Variants in DBT observed in about 807,000 individuals in gnomAD.
The protein encoded by DBT is lipoamide acyltransferase component of branched-chain alpha-keto acid dehydrogenase complex, mitochondrial.
In DBT, 40 loss-of-function variants were observed where a neutral mutation model predicts 51.3. The observed-to-expected ratio is 0.78, with a 90% CI of 0.61 to 1.02. DBT has a LOEUF of 1.02. DBT is among the 50% of genes least tolerant of loss of function. DBT has a pLI of 0.00. For synonymous variants in DBT, 181 were observed against 190.4 expected (o/e 0.95, Z 0.41); for missense variants, 510 against 580.2 (o/e 0.88, Z 1.24).
At chr1:100,217,165 C>T (rs1662544049) in intron 5 of DBT, among the ~76,000 whole-genome samples, 2 of 152,164 alleles carry the variant, frequency 1.3e-5, no homozygotes, top group Admixed American at 6.5e-5. Flanking sequence ...TTTTAGTAAT[C>T]ATACAAGCAC....
intron 10 of DBT, among the ~76,000 whole-genome samples, chr1:100,197,718 A>G (rs2100764082): frequency 6.6e-6 from 1 of 152,352 alleles, no homozygotes; most frequent in Admixed American, 6.5e-5. Flanking sequence ...CTGCAAGTCA[A>G]TATTAAGAAA....
chr1:100,239,865 AAAAAAAAAAAAAAAAAAAAAG>A (rs1664108723), intron 2 of DBT, among the ~76,000 whole-genome samples: 1 of 12,026 alleles, frequency 8.3e-5, no homozygotes, highest in Non-Finnish European at 3.4e-4. Context: ...AAAAAAAAAA[AAAAAAAAAAAAAAAAAAAAAG>A]AGCATGGAAA....
Position 100,240,851 on chromosome 1 carries a change from C to CATT in DBT, c.82_84dup (p.Asn28dup), listed in dbSNP as rs746916491. On this transcript the variant is annotated inframe_insertion, in exon 2 of 11. Coordinates refer to ENST00000370132, the MANE Select transcript of DBT (RefSeq NM_001918.5). ...ACATAATTTGGCTTCAAAACATGAA[C>CATT]ATTACCACATGTTTGAAAATAGCGA... 5.6e-6 allele frequency: 9 copies of CATT among 1,612,746 alleles called. No individual in the cohort carries two copies. Among genetic ancestry groups the CATT allele is most frequent in the Non-Finnish European group, 5.1e-6 (6 of 1,178,930 alleles).
At chr1:100,213,091 G>C (rs1201085651) in intron 7 of DBT, among the ~76,000 whole-genome samples, 1 of 152,228 alleles carries the variant, frequency 6.6e-6, no homozygotes, top group Non-Finnish European at 1.5e-5. Flanking sequence ...CCTGTTAGCT[G>C]TAAGTCCTTA....
intron 3 of DBT, 128 bp downstream of exon 3, chr1:100,235,308 G>T: frequency 1.7e-6 from 1 of 588,646 alleles, no homozygotes; most frequent in Non-Finnish European, 3.1e-6. Context: ...AATGCATTAT[G>T]TGTTTATAAA....
In DBT at chr1:100,235,446, C is replaced by G. The variant is rs754622177; in HGVS notation, c.241G>C (p.Val81Leu). The G allele has an allele frequency of 2.7e-5, 41 of 1,537,008 alleles. No individual in the cohort carries two copies. The highest frequency in any genetic ancestry group is 3.7e-5 in the Non-Finnish European group (41 of 1,112,312). Reference protein sequence around the residue: ...DIGEGIREVTVKEWYVKEGDT... With the variant: ...DIGEGIREVTLKEWYVKEGDT... ...TTCAGATTCACTTACCATTCTTTAA[C>G]AGTTACTTCTCTAATCCCTTCTCCA... Residue 81 changes from valine to leucine, a missense_variant, in exon 3 of 11, where the codon GTT (valine) becomes CTT (leucine). By Grantham distance (32) the Val-to-Leu change is conservative (BLOSUM62 1). Coordinates refer to ENST00000370132, the MANE Select transcript of DBT (RefSeq NM_001918.5).
intron 1 of DBT, among the ~76,000 whole-genome samples, chr1:100,247,697 CAAAA>C (rs59843533): frequency 2.8e-5 from 3 of 107,882 alleles, no homozygotes; most frequent in Non-Finnish European, 3.6e-5. Context: ...AGACTCTTCT[CAAAA>C]AAAAAAAAAA....
intron 5 of DBT, among the ~76,000 whole-genome samples, chr1:100,218,266 G>A (rs904367089): frequency 4.6e-5 from 7 of 151,950 alleles, no homozygotes; most frequent in South Asian, 2.1e-4. Context: ...TTTTTATCTT[G>A]CTTCCTTCAG....
chr1:100,245,502 C>T (rs1367353968), intron 1 of DBT, among the ~76,000 whole-genome samples: 3 of 152,164 alleles, frequency 2.0e-5, no homozygotes, highest in African/African-American at 7.2e-5. Flanking sequence ...ACCATCTGTA[C>T]CAATTTGCCT....
At position 100,187,896 on chromosome 1, in the gene DBT, A is replaced by G. The variant is rs1004831844; in HGVS notation, c.*8359T>C. 2.6e-5 allele frequency: 4 copies of G among 152,206 alleles called. No homozygotes were observed. Among genetic ancestry groups the G allele is most frequent in the Non-Finnish European group, 4.4e-5 (3 of 68,042 alleles). 9.4% of individuals were successfully genotyped at this position (152,206 alleles called of 1,614,324 possible). On this transcript the variant is annotated 3_prime_UTR_variant, in exon 11 of 11. Transcript: ENST00000370132. ...AGAAAGTATGACAATCTGAAAATCA[A>G]CATTTTACAGAAGTGACACCATTCT... is the stretch of plus-strand genomic sequence containing the variant.
chr1:100,249,041 C>G (rs542642143), intron 1 of DBT: 2 of 941,388 alleles, frequency 2.1e-6, no homozygotes, highest in East Asian at 1.2e-4. Flanking sequence ...ACATAGCAGG[C>G]TCTTGAAAGT....
At chr1:100,199,916 C>T (rs1355445007) in intron 10 of DBT, among the ~76,000 whole-genome samples, 2 of 152,164 alleles carry the variant, frequency 1.3e-5, no homozygotes, top group Non-Finnish European at 2.9e-5. Context: ...CCAGGATATT[C>T]CCTCGGATGC....
chr1:100,217,362 ATATC>A (rs1037198798), intron 5 of DBT, among the ~76,000 whole-genome samples: 52 of 152,200 alleles, frequency 3.4e-4, no homozygotes, highest in African/African-American at 1.2e-3. Context: ...CCACGTTACT[ATATC>A]TATTTTCTGT....
chr1:100,249,302 C>T, intron 1 of DBT: 1 of 245,112 alleles, frequency 4.1e-6, no homozygotes, highest in Middle Eastern at 1.7e-3. Context: ...CGCCGAGCTG[C>T]TCAGTTCTTC....
chr1:100,249,207 G>C (rs1664758219), intron 1 of DBT: 13 of 494,664 alleles, frequency 2.6e-5, no homozygotes, highest in Non-Finnish European at 3.5e-5. Flanking sequence ...AAGTGCAGGG[G>C]AGATGGTGAT....
rs1236042893 is a variant in DBT at position 100,222,658 on chromosome 1, A to G, written c.434-3911T>C. ...TAGTATTAGCACAGAGAAACCAATC[A>G]ACAATACAAGTTGATGTTAAGGGGT... On this transcript the variant is annotated intron_variant, in intron 4 of 10. Coordinates refer to ENST00000370132, the MANE Select transcript of DBT (RefSeq NM_001918.5). Among the ~76,000 whole-genome samples, 3 of 152,336 alleles carry G rather than the reference A, an allele frequency of 2.0e-5. No individual in the cohort carries two copies. The East Asian group carries it at 5.8e-4, about 29-fold the overall frequency.
rs751951997 is a variant in DBT, at chr1:100,206,312, A to T, written c.1210-11T>A. The T allele has an allele frequency of 8.6e-4, 1,286 of 1,495,342 alleles. No individual in the cohort carries two copies. Among genetic ancestry groups the T allele is most frequent in the Middle Eastern group, 1.2e-3 (7 of 5,634 alleles). The allele number at this position is 1,495,342 out of a possible 1,614,324, so 92.6% of individuals were successfully genotyped here. A position where few individuals can be genotyped will look rare whatever the true frequency, so the allele number is the denominator to read the frequency against. ...AAAGGTACCACCAATCTATTTTTTA[A>T]AAAAAAAAAAAGGAGAGTATTAAAA... On this transcript the variant is annotated splice_polypyrimidine_tract_variant and intron_variant, in intron 9 of 10. Coordinates refer to ENST00000370132, the MANE Select transcript of DBT (RefSeq NM_001918.5).
chr1:100,217,331 T>C (rs1662552592), intron 5 of DBT, among the ~76,000 whole-genome samples: 1 of 152,176 alleles, frequency 6.6e-6, no homozygotes. Context: ...TTTCATCTGA[T>C]GCCCTTAATA....
At position 100,230,854 on chromosome 1, in the gene DBT, A is replaced by C. The variant is rs1172178196; in HGVS notation, c.312T>G (p.Asp104Glu). ...GACTAGTGATGGTAACAGAAGCTTT[A>C]TCACTTTGAACTTCACAGATGCTAT... ...QFDSICEVQS[D>E]KASVTITSRY... is the part of the protein sequence containing the mutation. Residue 104 changes from aspartate (D) to glutamate (E), a missense_variant, in exon 4 of 11, where the codon GAT becomes GAG. Coordinates refer to ENST00000370132, the MANE Select transcript of DBT (RefSeq NM_001918.5). 1.2e-6 allele frequency: 2 copies of C among 1,608,460 alleles called. No homozygotes were observed. The highest frequency in any genetic ancestry group is 3.3e-5 in the Admixed American group (2 of 60,016).
Sources: gnomAD v4.1 joint callset for allele counts (sites outside exome capture counted in the v4.1 genomes callset) on GRCh38, gnomAD v4.1.1 for gene constraint, MANE v1.5 for transcripts, NCBI Gene and HGNC (gene_info 2026-07-23, HGNC 2026-07-21) for gene names.